The following EFNB3 variants were observed in gnomAD, a reference collection of about 807,000 sequenced individuals.
EFNB3 encodes the protein ephrin-B3.
In EFNB3, 14 loss-of-function variants were observed where a neutral mutation model predicts 29.8. That is an observed-to-expected ratio of 0.47 (90% CI 0.31 to 0.73). EFNB3 has a LOEUF of 0.73. Ranked by LOEUF, EFNB3 falls within the 30% of genes least tolerant of loss-of-function variation. EFNB3 has a pLI of 0.05. For synonymous variants in EFNB3, 216 were observed against 191.6 expected, an observed-to-expected ratio of 1.13 and a Z score of -1.05; for missense variants, 408 against 458.0, an observed-to-expected ratio of 0.89 and a Z score of 1.00.
rs2074334752 is a variant in EFNB3, at chr17:7,708,347, C to T, written c.416-88C>T. On this transcript the variant is annotated intron_variant, in intron 2 of 4. Coordinates refer to ENST00000226091, the MANE Select transcript of EFNB3 (RefSeq NM_001406.4). The surrounding 1 kb of genome is among the most constrained non-coding windows in gnomAD (Gnocchi z 6.8). ...CAGCCAAGAGGGAGATCCCAGTGCC[C>T]TCAGGCAGTGTTCACACCAGGGTGT... The T allele has an allele frequency of 6.3e-7, 1 of 1,583,136 alleles. No homozygotes were observed.
In EFNB3 at chr17:7,705,654, TG is replaced by T; in HGVS notation, c.61del (p.Val21PhefsTer38). ...GGVRVGALLL[L>X]GVLGLVSGLS... is the part of the protein sequence containing the mutation. ...GTGCGAGTCGGGGCCCTGCTGCTGCTGGGGGTTTTGGGGCTGGTGTCTGGGC... is the reference window on the plus strand; with the variant it reads ...GTGCGAGTCGGGGCCCTGCTGCTGCTGGGGTTTTGGGGCTGGTGTCTGGGC... On this transcript the variant is annotated frameshift_variant, in exon 1 of 5. Transcript: ENST00000226091. LOFTEE classifies it high-confidence loss of function. The surrounding 1 kb of genome is among the most constrained non-coding windows in gnomAD (Gnocchi z 5.4). 6.6e-7 allele frequency: 1 copy of T among 1,523,994 alleles called. No individual in the cohort carries two copies. The highest frequency in any genetic ancestry group is 8.7e-7 in the Non-Finnish European group (1 of 1,149,748). 94.4% of individuals were successfully genotyped at this position (1,523,994 alleles called of 1,614,324 possible). A position where few individuals can be genotyped will look rare whatever the true frequency, so the allele number is the denominator to read the frequency against.
chr17:7,707,971 G>C lies in EFNB3; in HGVS notation c.136G>C (p.Gly46Arg). Residue 46 changes from glycine to arginine, a missense_variant, in exon 2 of 5, where the codon GGT becomes CGT. Transcript: ENST00000226091. ...TCCTCCCCATAGGTTCCAGGCAGAGGGTGGTTATGTGCTGTACCCTCAGAT... is the reference window on the plus strand; with the variant it reads ...TCCTCCCCATAGGTTCCAGGCAGAGCGTGGTTATGTGCTGTACCCTCAGAT... ...NSANKRFQAEGGYVLYPQIGD... is the reference protein window; with the variant it reads ...NSANKRFQAERGYVLYPQIGD... 1.2e-6 allele frequency: 2 copies of C among 1,612,356 alleles called. No homozygotes were observed. The highest frequency in any genetic ancestry group is 1.7e-6 in the Non-Finnish European group (2 of 1,178,916).
Position 7,708,391 on chromosome 17 carries a change from A to G in EFNB3, c.416-44A>G. On this transcript the variant is annotated intron_variant, in intron 2 of 4. Coordinates refer to ENST00000226091, the MANE Select transcript of EFNB3 (RefSeq NM_001406.4). This position sits in a 1 kb window ranked among gnomAD's most constrained non-coding sequence, Gnocchi z 6.8. ...AGGGTGTGGGGCCAGAATCAGGGCT[A>G]GATTCTGGAGTGCCAACCTCTTCCT... 1 of 1,597,180 alleles carries G rather than the reference A, an allele frequency of 6.3e-7. No homozygotes were observed.
In EFNB3 at chr17:7,710,115, G is replaced by C. The variant is rs1464979879; in HGVS notation, c.*539G>C. On this transcript the variant is annotated 3_prime_UTR_variant, in exon 5 of 5. Transcript: ENST00000226091. ...GGGCATCAAAGCATTTCTCCCCTTA[G>C]CTTTCAGCCCCCCTTCTGACCTCTC... is the stretch of plus-strand genomic sequence containing the variant. 2 of 175,310 alleles carry C rather than the reference G, an allele frequency of 1.1e-5. No homozygotes were observed. The highest frequency in any genetic ancestry group is 4.8e-5 in the African/African-American group (2 of 41,500). 10.9% of individuals were successfully genotyped at this position (175,310 alleles called of 1,614,324 possible). A position where few individuals can be genotyped will look rare whatever the true frequency, so the allele number is the denominator to read the frequency against.
Position 7,709,346 on chromosome 17 carries a change from G to T in EFNB3, c.793G>T (p.Gly265Cys). 6 of 1,574,916 alleles carry T rather than the reference G, an allele frequency of 3.8e-6. No individual in the cohort carries two copies. The highest frequency in any genetic ancestry group is 5.2e-6 in the Non-Finnish European group (6 of 1,161,358). ...RAKPSESRHPGPGSFGRGGSL... is the reference protein window; with the variant it reads ...RAKPSESRHPCPGSFGRGGSL... ...CAAGCCTTCGGAGAGTCGCCACCCT[G>T]GTCCTGGCTCCTTCGGGAGGGGAGG... The change falls in exon 5 of 5, where the codon GGT becomes TGT. Residue 265 changes from glycine (G) to cysteine (C), a missense_variant. Around this residue, in one of 3 missense-constraint regions of EFNB3, gnomAD observed 233 missense variants for 230.7 expected, o/e 1.01. Transcript: ENST00000226091. The surrounding 1 kb of genome is among the most constrained non-coding windows in gnomAD (Gnocchi z 4.5).
At position 7,710,416 on chromosome 17, in the gene EFNB3, G is replaced by A. The variant is rs1388424682; in HGVS notation, c.*840G>A. 6.5e-6 allele frequency: 1 copy of A among 152,728 alleles called. No homozygotes were observed. The highest frequency in any genetic ancestry group is 1.5e-5 in the Non-Finnish European group (1 of 68,104). The allele number at this position is 152,728 out of a possible 1,614,324, so 9.5% of individuals were successfully genotyped here. ...GAATGGGCCACTTGGGACCGGAAGT[G>A]ACTTGCTCCAGACAAGAGGTGACCA... On this transcript the variant is annotated 3_prime_UTR_variant, in exon 5 of 5. Coordinates refer to ENST00000226091, the MANE Select transcript of EFNB3 (RefSeq NM_001406.4).
intron 1 of EFNB3, among the ~76,000 whole-genome samples, chr17:7,707,502 C>T (rs562868577): frequency 6.6e-6 from 1 of 152,302 alleles, no homozygotes; most frequent in East Asian, 1.9e-4. Flanking sequence ...CCCCTTTGCC[C>T]GGAAATCCCT....
chr17:7,708,126 C>A lies in EFNB3; in HGVS notation c.291C>A (p.Ala97=). Residue 97 remains alanine (A), a synonymous_variant, in exon 2 of 5, where the codon GCC becomes GCA. Transcript: ENST00000226091. This position sits in a 1 kb window ranked among gnomAD's most constrained non-coding sequence, Gnocchi z 6.8. ...AQGRRCEAPP[A]PNLLLTCDRP... The stretch of plus-strand genomic sequence containing the variant: ...GCCGGCGCTGTGAGGCACCCCCTGC[C>A]CCAAACCTCCTTCTCACTTGTGATC... 3 of 1,614,136 alleles carry A rather than the reference C, an allele frequency of 1.9e-6. No homozygotes were observed. The highest frequency in any genetic ancestry group is 2.5e-6 in the Non-Finnish European group (3 of 1,180,014).
rs1002710201 is a variant in EFNB3, at chr17:7,709,185, C to T, written c.632C>T (p.Ala211Val). 6.2e-7 allele frequency: 1 copy of T among 1,602,638 alleles called. No homozygotes were observed. The highest frequency in any genetic ancestry group is 8.5e-7 in the Non-Finnish European group (1 of 1,178,156). Residue 211 changes from alanine (A) to valine (V), a missense_variant, in exon 5 of 5, where the codon GCA becomes GTA. Coordinates refer to ENST00000226091, the MANE Select transcript of EFNB3 (RefSeq NM_001406.4). The surrounding 1 kb of genome is among the most constrained non-coding windows in gnomAD (Gnocchi z 4.5). ...CTGCCAGGTGACCCCACCAGCAATG[C>T]AACCTCCCGGGGTGCTGAAGGCCCC... The part of the protein sequence containing the change: ...ENLPGDPTSN[A>V]TSRGAEGPLP...
chr17:7,709,525 C>A lies in EFNB3; in HGVS notation c.972C>A (p.Ile324=). The change falls in exon 5 of 5, where the codon ATC becomes ATA. Residue 324 remains isoleucine (I), a synonymous_variant. Coordinates refer to ENST00000226091, the MANE Select transcript of EFNB3 (RefSeq NM_001406.4). The surrounding 1 kb of genome is among the most constrained non-coding windows in gnomAD (Gnocchi z 4.5). ...GTGACTATGGGCATCCTGTGTATATCGTGCAGGATGGGCCCCCCCAGAGCC... is the reference window on the plus strand; with the variant it reads ...GTGACTATGGGCATCCTGTGTATATAGTGCAGGATGGGCCCCCCCAGAGCC... The part of the protein sequence containing the change: ...VSGDYGHPVY[I]VQDGPPQSPP... The A allele has an allele frequency of 6.2e-7, 1 of 1,613,906 alleles. No individual in the cohort carries two copies. The highest frequency in any genetic ancestry group is 8.5e-7 in the Non-Finnish European group (1 of 1,179,922).
intron 1 of EFNB3, 36 bp from the exon 2 acceptor site, chr17:7,707,922 A>C (rs779847289): frequency 6.2e-5 from 97 of 1,564,126 alleles, no homozygotes; most frequent in Middle Eastern, 1.8e-4. Flanking sequence ...GGCCTCTGAC[A>C]TCTCTTCCTT....
chr17:7,709,216 C>CCCCCAGCCCCTTCACT lies in EFNB3; in HGVS notation c.665_666insCCAGCCCCTTCACTCC (p.Pro223GlnfsTer72). On this transcript the variant is annotated frameshift_variant, in exon 5 of 5. Coordinates refer to ENST00000226091, the MANE Select transcript of EFNB3 (RefSeq NM_001406.4). LOFTEE classifies it high-confidence loss of function. The surrounding 1 kb of genome is among the most constrained non-coding windows in gnomAD (Gnocchi z 4.5). ...CCCGGGGTGCTGAAGGCCCCCTGCC[C>CCCCCAGCCCCTTCACT]CCTCCCAGCATGCCTGCAGTGGCTG... is the stretch of plus-strand genomic sequence containing the variant. The CCCCCAGCCCCTTCACT allele has an allele frequency of 6.2e-7, 1 of 1,603,742 alleles. No homozygotes were observed. The highest frequency in any genetic ancestry group is 8.5e-7 in the Non-Finnish European group (1 of 1,177,986).
At position 7,708,256 on chromosome 17, in the gene EFNB3, G is replaced by C. The variant is rs902154185; in HGVS notation, c.415+6G>C. The C allele has an allele frequency of 2.5e-6, 4 of 1,608,166 alleles. No homozygotes were observed. The highest frequency in any genetic ancestry group is 2.2e-5 in the South Asian group (2 of 91,006). ...CCACGATTACTACATCATTGGTACTGCTGGGCAGAGGGCACGATTGAGTGG... is the reference window on the plus strand; with the variant it reads ...CCACGATTACTACATCATTGGTACTCCTGGGCAGAGGGCACGATTGAGTGG... On this transcript the variant is annotated splice_donor_region_variant and intron_variant, in intron 2 of 4. Transcript: ENST00000226091. The surrounding 1 kb of genome is among the most constrained non-coding windows in gnomAD (Gnocchi z 6.8).
Position 7,709,336 on chromosome 17 carries a change from T to C in EFNB3, c.783T>C (p.Ser261=). The C allele has an allele frequency of 6.6e-7, 1 of 1,519,470 alleles. No homozygotes were observed. The highest frequency in any genetic ancestry group is 2.5e-5 in the East Asian group (1 of 40,182). The allele number at this position is 1,519,470 out of a possible 1,614,324, so 94.1% of individuals were successfully genotyped here. The stretch of plus-strand genomic sequence containing the variant: ...GACGGCGGGCCAAGCCTTCGGAGAG[T>C]CGCCACCCTGGTCCTGGCTCCTTCG... ...WRRRRAKPSE[S]RHPGPGSFGR... Residue 261 remains serine, a synonymous_variant, in exon 5 of 5, where the codon AGT becomes AGC. Transcript: ENST00000226091. This position sits in a 1 kb window ranked among gnomAD's most constrained non-coding sequence, Gnocchi z 4.5.
chr17:7,708,529 T>C lies in EFNB3; in HGVS notation c.508+2T>C. 1.2e-6 allele frequency: 2 copies of C among 1,612,972 alleles called. No individual in the cohort carries two copies. Among genetic ancestry groups the C allele is most frequent in the Non-Finnish European group, 1.7e-6 (2 of 1,179,566 alleles). On this transcript the variant is annotated splice_donor_variant, in intron 3 of 4. Coordinates refer to ENST00000226091, the MANE Select transcript of EFNB3 (RefSeq NM_001406.4). LOFTEE classifies it high-confidence loss of function. This position sits in a 1 kb window ranked among gnomAD's most constrained non-coding sequence, Gnocchi z 6.8. ...AGGTGCTTCTCCGAGTGGGACAAAG[T>C]GAGTGGGGCTGGGGGACACCTCCTG...
Position 7,708,559 on chromosome 17 carries a change from C to T in EFNB3, c.508+32C>T, listed in dbSNP as rs139726875. 3.8e-4 allele frequency: 603 copies of T among 1,607,002 alleles called. 1 individual carries two copies. The African/African-American group carries it at 5.8e-3, about 16-fold the overall frequency. ...GGGGCTGGGGGACACCTCCTGGGCA[C>T]GAAGGGACGTTGGGGCAGTACGATC... On this transcript the variant is annotated intron_variant, in intron 3 of 4. Coordinates refer to ENST00000226091, the MANE Select transcript of EFNB3 (RefSeq NM_001406.4). This position sits in a 1 kb window ranked among gnomAD's most constrained non-coding sequence, Gnocchi z 6.8.
At chr17:7,707,171 G>A (rs1446591247) in intron 1 of EFNB3, among the ~76,000 whole-genome samples, 17 of 152,168 alleles carry the variant, frequency 1.1e-4, no homozygotes, top group Admixed American at 1.0e-3. Context: ...GGGGCTGCAG[G>A]GGTTGGCAAG....
Position 7,709,206 on chromosome 17 carries a change from GC to G in EFNB3, c.658del (p.Leu220CysfsTer74). 1.2e-6 allele frequency: 2 copies of G among 1,602,920 alleles called. No individual in the cohort carries two copies. Among genetic ancestry groups the G allele is most frequent in the Admixed American group, 1.7e-5 (1 of 58,048 alleles). On this transcript the variant is annotated frameshift_variant, in exon 5 of 5. Transcript: ENST00000226091. LOFTEE classifies it high-confidence loss of function. This position sits in a 1 kb window ranked among gnomAD's most constrained non-coding sequence, Gnocchi z 4.5. ...AATGCAACCTCCCGGGGTGCTGAAG[GC>G]CCCCTGCCCCCTCCCAGCATGCCTG... is the stretch of plus-strand genomic sequence containing the variant. ...TSNATSRGAEGPLPPPSMPAV... is the reference protein window; with the variant it reads ...TSNATSRGAEXPLPPPSMPAV...
At position 7,708,408 on chromosome 17, in the gene EFNB3, C is replaced by T; in HGVS notation, c.416-27C>T. ...TCAGGGCTAGATTCTGGAGTGCCAA[C>T]CTCTTCCTCTGGCTTTTCTCTCCCA... is the stretch of plus-strand genomic sequence containing the variant. On this transcript the variant is annotated intron_variant, in intron 2 of 4. Transcript: ENST00000226091. The surrounding 1 kb of genome is among the most constrained non-coding windows in gnomAD (Gnocchi z 6.8). The T allele has an allele frequency of 2.5e-6, 4 of 1,605,306 alleles. No homozygotes were observed. Among genetic ancestry groups the T allele is most frequent in the Non-Finnish European group, 8.5e-7 (1 of 1,175,738 alleles).
Sources: allele counts gnomAD v4.1 joint callset (sites outside exome capture counted in the v4.1 genomes callset), GRCh38; gene constraint gnomAD v4.1.1; regional missense constraint gnomAD v4.1.1; non-coding constraint Gnocchi (gnomAD v3.1); transcripts MANE v1.5; gene names NCBI Gene and HGNC (gene_info 2026-07-23, HGNC 2026-07-21).